The following KIAA0825 variants were observed in gnomAD, a reference collection of about 807,000 sequenced individuals.
The protein encoded by KIAA0825 is uncharacterized protein KIAA0825.
KIAA0825 carries 119 observed loss-of-function variants against 147.6 expected under a neutral mutation model. The observed-to-expected ratio is 0.81, with a 90% CI of 0.69 to 0.94. KIAA0825 has a LOEUF of 0.94. KIAA0825 is among the 40% of genes least tolerant of loss of function. KIAA0825 has a pLI of 0.00. For missense variants in KIAA0825, 1,381 were observed against 1,472.7 expected (o/e 0.94, Z 1.02); for synonymous variants, 470 against 518.1 (o/e 0.91, Z 1.26).
At chr5:94,177,817 A>G (rs1384316658) in intron 20 of KIAA0825, among the ~76,000 whole-genome samples, 1 of 152,126 alleles carries the variant, frequency 6.6e-6, no homozygotes, top group Admixed American at 6.6e-5. Flanking sequence ...AGAAATACAT[A>G]TTTTTGAGTT....
intron 1 of KIAA0825, among the ~76,000 whole-genome samples, chr5:94,602,590 G>A (rs529381200): frequency 1.3e-5 from 2 of 152,252 alleles, no homozygotes; most frequent in South Asian, 4.1e-4. Flanking sequence ...TCATGATAGT[G>A]AGTGAGTTCT....
intron 5 of KIAA0825, among the ~76,000 whole-genome samples, chr5:94,513,391 A>G (rs927015201): frequency 6.6e-6 from 1 of 152,168 alleles, no homozygotes; most frequent in African/African-American, 2.4e-5. Flanking sequence ...TAGTGTTTCA[A>G]TGTCAGAATT....
chr5:94,432,557 C>T (rs113793395), intron 14 of KIAA0825, among the ~76,000 whole-genome samples: 5 of 151,686 alleles, frequency 3.3e-5, no homozygotes, highest in African/African-American at 9.7e-5. Context: ...CATATGGTGA[C>T]ACACAAATAT....
chr5:94,537,214 G>C, intron 2 of KIAA0825, 87 bp from the exon 3 acceptor site: 2 of 951,186 alleles, frequency 2.1e-6, no homozygotes, highest in Non-Finnish European at 3.1e-6. Context: ...CTCAAGTTGT[G>C]ATACTAAACC....
At chr5:94,224,292 C>T (rs1425038653) in intron 20 of KIAA0825, among the ~76,000 whole-genome samples, 5 of 151,472 alleles carry the variant, frequency 3.3e-5, no homozygotes, top group African/African-American at 7.3e-5. Context: ...AGACTGGTTT[C>T]GCCATGTCAG....
At chr5:94,237,169 C>G (rs1775094040) in intron 20 of KIAA0825, among the ~76,000 whole-genome samples, 1 of 151,850 alleles carries the variant, frequency 6.6e-6, no homozygotes, top group Non-Finnish European at 1.5e-5. Flanking sequence ...AAAAGCCATA[C>G]CAAGTTAAAC....
chr5:94,583,265 G>A (rs529467311), intron 1 of KIAA0825, among the ~76,000 whole-genome samples: 1 of 152,308 alleles, frequency 6.6e-6, no homozygotes, highest in African/African-American at 2.4e-5. Context: ...GGGAAGCCGT[G>A]AGTGTCTGTA....
chr5:94,396,918 T>A (rs1232836742), intron 16 of KIAA0825, among the ~76,000 whole-genome samples: 2 of 151,976 alleles, frequency 1.3e-5, no homozygotes, highest in Non-Finnish European at 2.9e-5. Flanking sequence ...TCAGCTCTCC[T>A]CAGGACTGGT....
At chr5:94,182,875 G>A (rs1342512325) in intron 20 of KIAA0825, among the ~76,000 whole-genome samples, 1 of 152,100 alleles carries the variant, frequency 6.6e-6, no homozygotes, top group Non-Finnish European at 1.5e-5. Context: ...AATATTTGAG[G>A]ACTAAATGAA....
intron 16 of KIAA0825, among the ~76,000 whole-genome samples, chr5:94,397,662 A>G (rs1380796510): frequency 6.6e-6 from 1 of 152,106 alleles, no homozygotes; most frequent in African/African-American, 2.4e-5. Context: ...TAGGGTGTTT[A>G]GCCACATCTC....
chr5:94,166,354 C>G (rs1768029341), intron 20 of KIAA0825, among the ~76,000 whole-genome samples: 1 of 152,038 alleles, frequency 6.6e-6, no homozygotes, highest in Non-Finnish European at 1.5e-5. Flanking sequence ...TATGAAATGT[C>G]AGTGGTAATA....
intron 13 of KIAA0825, among the ~76,000 whole-genome samples, chr5:94,443,357 T>TAC (rs1197634452): frequency 5.1e-5 from 7 of 136,858 alleles, no homozygotes; most frequent in African/African-American, 5.2e-5. Flanking sequence ...TATGTATATA[T>TAC]ATACACACAC....
At chr5:94,566,378 A>G (rs1158792923) in intron 2 of KIAA0825, among the ~76,000 whole-genome samples, 1 of 152,172 alleles carries the variant, frequency 6.6e-6, no homozygotes, top group East Asian at 1.9e-4. Context: ...TTAAAATTAT[A>G]TGATTTTTGA....
chr5:94,361,733 G>A (rs1307130749), intron 20 of KIAA0825, among the ~76,000 whole-genome samples: 1 of 152,132 alleles, frequency 6.6e-6, no homozygotes. Flanking sequence ...GGCTAAAAGA[G>A]GAAAATGAAC....
intron 2 of KIAA0825, among the ~76,000 whole-genome samples, chr5:94,558,534 T>C (rs1351096607): frequency 6.6e-6 from 1 of 152,152 alleles, no homozygotes; most frequent in Admixed American, 6.5e-5. Context: ...ACACTTACAT[T>C]TTTTTCCCTT....
At chr5:94,486,705 A>G (rs1763099339) in intron 5 of KIAA0825, among the ~76,000 whole-genome samples, 1 of 152,176 alleles carries the variant, frequency 6.6e-6, no homozygotes. Flanking sequence ...AGGCTTTGCC[A>G]GAAATATTAT....
At chr5:94,594,475 C>T (rs1364071187) in intron 1 of KIAA0825, 2 of 744,432 alleles carry the variant, frequency 2.7e-6, no homozygotes, top group Non-Finnish European at 5.0e-6. Context: ...AGAAAAAAAT[C>T]TCTTCTTTAT....
At chr5:94,415,244 A>G (rs1393070385) in intron 15 of KIAA0825, 1 of 152,190 alleles carries the variant, frequency 6.6e-6, no homozygotes, top group African/African-American at 2.4e-5. Flanking sequence ...TAGCAGGAGG[A>G]AACTACAGCA....
intron 5 of KIAA0825, among the ~76,000 whole-genome samples, chr5:94,515,891 G>A (rs1404020765): frequency 6.6e-6 from 1 of 151,848 alleles, no homozygotes; most frequent in Non-Finnish European, 1.5e-5. Flanking sequence ...AACTTTGTAA[G>A]AGTATCTGTA....
Sources: allele counts gnomAD v4.1 joint callset (sites outside exome capture counted in the v4.1 genomes callset), GRCh38; gene constraint gnomAD v4.1.1; transcripts MANE v1.5; gene names NCBI Gene and HGNC (gene_info 2026-07-23, HGNC 2026-07-21).